The following SBNO2 variants were observed in gnomAD, a reference collection of about 807,000 sequenced individuals.
The protein encoded by SBNO2 is strawberry notch homolog 2.
Under a neutral mutation model 146.3 loss-of-function variants are expected in SBNO2, and 89 were observed. The observed-to-expected ratio is 0.61, with a 90% CI of 0.51 to 0.73. SBNO2 has a LOEUF of 0.73. SBNO2 is among the 30% of genes least tolerant of loss of function. The pLI is 0.00. For synonymous variants in SBNO2, 1,147 were observed against 892.6 expected, an observed-to-expected ratio of 1.29 and a Z score of -5.08; for missense variants, 2,092 against 2,003.7, an observed-to-expected ratio of 1.04 and a Z score of -0.84.
At chr19:1,129,408 C>G (rs1002802847) in intron 4 of SBNO2, among the ~76,000 whole-genome samples, 10 of 152,106 alleles carry the variant, frequency 6.6e-5, no homozygotes, top group Non-Finnish European at 1.0e-4. Context: ...GCACTGATCA[C>G]TAGGGACCTT....
intron 19 of SBNO2, among the ~76,000 whole-genome samples, chr19:1,113,222 G>A (rs1187591523): frequency 6.6e-6 from 1 of 152,172 alleles, no homozygotes; most frequent in African/African-American, 2.4e-5. Flanking sequence ...CCAGGCCCAG[G>A]GGCTTGTGTC....
Position 1,112,751 on chromosome 19 carries a change from G to T in SBNO2, c.2379+67C>A. The T allele has an allele frequency of 6.7e-7, 1 of 1,500,394 alleles. No homozygotes were observed. The allele number at this position is 1,500,394 out of a possible 1,614,324, so 92.9% of individuals were successfully genotyped here. ...AAGTGCGCGGGTCCACAGTCCCCGG[G>T]GACCCTTGGGCCCCTCTGTGCCTCT... On this transcript the variant is annotated intron_variant, in intron 20 of 31. Transcript: ENST00000361757. This position sits in a 1 kb window ranked among gnomAD's most constrained non-coding sequence, Gnocchi z 5.9.
chr19:1,123,469 C>CA, intron 7 of SBNO2, 65 bp downstream of exon 7: 2 of 1,392,768 alleles, frequency 1.4e-6, no homozygotes, highest in Admixed American at 3.4e-5. Context: ...TGGTCACCTG[C>CA]AGGGTCTCGG....
At chr19:1,170,249 C>T (rs1054214237) in intron 1 of SBNO2, among the ~76,000 whole-genome samples, 2 of 152,234 alleles carry the variant, frequency 1.3e-5, no homozygotes, top group Non-Finnish European at 2.9e-5. Flanking sequence ...TTGCCTTCGC[C>T]CGCAGGGCTG....
chr19:1,114,268 G>C lies in SBNO2; in HGVS notation c.2040C>G (p.Val680=). ...TGGGGAGCCCGACTGCATCAACGAT[G>C]ACAACGTCGTCATCCACCAGGGACT... ...SPESLVDDDV[V]IVDAVGLPSD... Residue 680 remains valine, a synonymous_variant, in exon 18 of 32, where the codon GTC becomes GTG. Coordinates refer to ENST00000361757, the MANE Select transcript of SBNO2 (RefSeq NM_014963.3). 1 of 1,544,764 alleles carries C rather than the reference G, an allele frequency of 6.5e-7. No homozygotes were observed.
chr19:1,154,486 C>T (rs1011437356), intron 1 of SBNO2, 84 bp from the exon 2 acceptor site: 16 of 380,814 alleles, frequency 4.2e-5, no homozygotes, highest in Admixed American at 2.7e-4. Flanking sequence ...CGGGCATGAC[C>T]GGTCCCAGCC....
At chr19:1,145,304 CAA>C (rs34903065) in intron 4 of SBNO2, among the ~76,000 whole-genome samples, 19 of 102,766 alleles carry the variant, frequency 1.8e-4, no homozygotes, top group Admixed American at 2.0e-4. Flanking sequence ...CTGTCTCTAC[CAA>C]AAAAAAAAAA....
At chr19:1,121,281 C>T (rs1213377531) in intron 11 of SBNO2, among the ~76,000 whole-genome samples, 1 of 152,220 alleles carries the variant, frequency 6.6e-6, no homozygotes, top group African/African-American at 2.4e-5. Context: ...AACGGCCGGC[C>T]CTGCCGCCAC....
Position 1,109,366 on chromosome 19 carries a change from T to C in SBNO2, c.3274A>G (p.Thr1092Ala), listed in dbSNP as rs1411209814. 3.2e-6 allele frequency: 5 copies of C among 1,584,758 alleles called. No individual in the cohort carries two copies. The highest frequency in any genetic ancestry group is 1.3e-5 in the African/African-American group (1 of 74,264). ...CGGCCGATGTTGGGCTTGTACACCG[T>C]GAAGAACTGGCCGCGGTTCTGCTCC... is the stretch of plus-strand genomic sequence containing the variant. ...LAEQNRGQFF[T>A]VYKPNIGRQS... The change falls in exon 29 of 32, where the codon ACG becomes GCG. Residue 1092 changes from threonine to alanine, a missense_variant. Thr to Ala is a moderately conservative substitution (Grantham distance 58, BLOSUM62 0). Transcript: ENST00000361757. The surrounding 1 kb of genome is among the most constrained non-coding windows in gnomAD (Gnocchi z 4.2).
chr19:1,149,471 G>A (rs774740281), intron 2 of SBNO2, 29 bp from the exon 3 acceptor site: 2 of 1,543,018 alleles, frequency 1.3e-6, no homozygotes, highest in East Asian at 2.4e-5. Context: ...ATCAGTGAGT[G>A]GGAAGCAGAG....
intron 16 of SBNO2, among the ~76,000 whole-genome samples, chr19:1,116,375 G>A (rs2079832186): frequency 6.6e-6 from 1 of 151,654 alleles, no homozygotes; most frequent in Admixed American, 6.6e-5. Context: ...CCCAGGACAG[G>A]GGCAGGGGGC....
rs898557198 is a variant in SBNO2 at position 1,120,038 on chromosome 19, G to C, written c.1150-15C>G. Reference sequence around the variant, plus strand: ...TCGAACACGATCTGAGGCACACGTGGGTTAAGGAGTATTCTGAAGGACGGG... The same window carrying C: ...TCGAACACGATCTGAGGCACACGTGCGTTAAGGAGTATTCTGAAGGACGGG... On this transcript the variant is annotated splice_polypyrimidine_tract_variant and intron_variant, in intron 11 of 31. Transcript: ENST00000361757. 1 of 1,546,314 alleles carries C rather than the reference G, an allele frequency of 6.5e-7. No homozygotes were observed. Among genetic ancestry groups the C allele is most frequent in the African/African-American group, 1.4e-5 (1 of 72,950 alleles).
chr19:1,157,280 A>T lies in SBNO2; in HGVS notation c.-126-2878T>A, dbSNP rs1321066683. On this transcript the variant is annotated intron_variant, in intron 1 of 31. Coordinates refer to ENST00000361757, the MANE Select transcript of SBNO2 (RefSeq NM_014963.3). This position sits in a 1 kb window ranked among gnomAD's most constrained non-coding sequence, Gnocchi z 6.8. The stretch of plus-strand genomic sequence containing the variant: ...AATCCCCAGGATAAACCCTAGTGGG[A>T]CACTGGGTGGGGTCTTGGGGCCTGA... Among the ~76,000 whole-genome samples, 2 of 152,246 alleles carry T rather than the reference A, an allele frequency of 1.3e-5. No homozygotes were observed. Among genetic ancestry groups the T allele is most frequent in the East Asian group, 3.9e-4 (2 of 5,174 alleles).
intron 4 of SBNO2, among the ~76,000 whole-genome samples, chr19:1,145,387 C>T: frequency 6.7e-6 from 1 of 149,634 alleles, no homozygotes; most frequent in East Asian, 1.9e-4. Flanking sequence ...GCAGGAAAAT[C>T]GCTTGAACCT....
In SBNO2 at chr19:1,109,364, C is replaced by T. The variant is rs758034628; in HGVS notation, c.3276G>A (p.Thr1092=). Residue 1092 remains threonine (T), a synonymous_variant, in exon 29 of 32, where the codon ACG becomes ACA. Coordinates refer to ENST00000361757, the MANE Select transcript of SBNO2 (RefSeq NM_014963.3). The surrounding 1 kb of genome is among the most constrained non-coding windows in gnomAD (Gnocchi z 4.2). ...LAEQNRGQFF[T]VYKPNIGRQS... is the part of the protein sequence containing the mutation. ...GCCGGCCGATGTTGGGCTTGTACAC[C>T]GTGAAGAACTGGCCGCGGTTCTGCT... 1.7e-5 allele frequency: 27 copies of T among 1,586,224 alleles called. No individual in the cohort carries two copies. Among genetic ancestry groups the T allele is most frequent in the East Asian group, 4.6e-5 (2 of 43,394 alleles).
rs1469014514 is a variant in SBNO2, at chr19:1,117,510, A to G, written c.1528-11T>C. On this transcript the variant is annotated splice_polypyrimidine_tract_variant and intron_variant, in intron 14 of 31. Transcript: ENST00000361757. ...CAGGGCCTCGGCCCACTGCAATGAC[A>G]CGTCACAAGGCGCCCCTGAGCTGTG... The G allele has an allele frequency of 6.4e-7, 1 of 1,567,992 alleles. No individual in the cohort carries two copies. The highest frequency in any genetic ancestry group is 8.6e-7 in the Non-Finnish European group (1 of 1,158,178).
chr19:1,132,255 C>T (rs1228250217), intron 4 of SBNO2: 1 of 1,311,744 alleles, frequency 7.6e-7, no homozygotes, highest in African/African-American at 1.5e-5. Context: ...CGGCTCTCCG[C>T]CCGGCTGCAT....
Position 1,157,027 on chromosome 19 carries a change from G to C in SBNO2, c.-126-2625C>G, listed in dbSNP as rs2080296920. 1.2e-5 allele frequency among the ~76,000 whole-genome samples: 1 copy of C among 83,648 alleles called. No homozygotes were observed. 54.9% of individuals were successfully genotyped at this position (83,648 alleles called of 152,430 possible). A position where few individuals can be genotyped will look rare whatever the true frequency, so the allele number is the denominator to read the frequency against. On this transcript the variant is annotated intron_variant, in intron 1 of 31. Transcript: ENST00000361757. This position sits in a 1 kb window ranked among gnomAD's most constrained non-coding sequence, Gnocchi z 6.8. ...CCAGCCCCCCATCGCCTCCCACCCT[G>C]TCCTCGGCCATATCTCACAACCCCT...
chr19:1,154,794 G>A (rs567866529), intron 1 of SBNO2, among the ~76,000 whole-genome samples: 26 of 152,278 alleles, frequency 1.7e-4, no homozygotes, highest in African/African-American at 3.4e-4. Flanking sequence ...AGTCCAACCC[G>A]GGCCCGGCAC....
Sources: allele counts gnomAD v4.1 joint callset (sites outside exome capture counted in the v4.1 genomes callset), GRCh38; gene constraint gnomAD v4.1.1; non-coding constraint Gnocchi (gnomAD v3.1); transcripts MANE v1.5; gene names NCBI Gene and HGNC (gene_info 2026-07-23, HGNC 2026-07-21).